Variants in WWOX observed in about 807,000 individuals in gnomAD.
WWOX encodes the protein WW domain-containing oxidoreductase.
Under a neutral mutation model 46.2 loss-of-function variants are expected in WWOX, and 69 were observed. The ratio of observed to expected loss-of-function variants is 1.49; its 90% CI spans 1.23 to 1.82. The LOEUF is 1.82. WWOX is among the 40% of genes most tolerant of loss of function. WWOX has a pLI of 0.00. For missense variants in WWOX, 919 were observed against 542.6 expected (o/e 1.69, Z -6.89); for synonymous variants, 359 against 202.6 (o/e 1.77, Z -6.56).
Position 78,637,695 on chromosome 16 carries a change from C to T in WWOX, c.1056+204943C>T, listed in dbSNP as rs896521482. Among the ~76,000 whole-genome samples the T allele has an allele frequency of 6.6e-5, 10 of 152,272 alleles. No individual in the cohort carries two copies. In the South Asian group the frequency reaches 1.2e-3, roughly 19 times the overall value. ...TTGATGAAGGGCTCAGAGCTAAGCG[C>T]GGAGTAGGTGCTTAAGCCCTTCCAT... is the stretch of plus-strand genomic sequence containing the variant. On this transcript the variant is annotated intron_variant, in intron 8 of 8. Coordinates refer to ENST00000566780, the MANE Select transcript of WWOX (RefSeq NM_016373.4).
intron 6 of WWOX, among the ~76,000 whole-genome samples, chr16:78,407,807 A>C (rs2082584279): frequency 6.6e-6 from 1 of 152,248 alleles, no homozygotes; most frequent in Non-Finnish European, 1.5e-5. Flanking sequence ...CCAGATACCT[A>C]AAAAAGTTTT....
chr16:78,623,932 A>G (rs893753310), intron 8 of WWOX, among the ~76,000 whole-genome samples: 20 of 152,312 alleles, frequency 1.3e-4, no homozygotes, highest in African/African-American at 4.6e-4. Flanking sequence ...AGAATGTGGC[A>G]AAGTCTTTGC....
intron 4 of WWOX, among the ~76,000 whole-genome samples, chr16:78,139,218 C>T (rs767188317): frequency 6.6e-6 from 1 of 152,048 alleles, no homozygotes; most frequent in Non-Finnish European, 1.5e-5. Flanking sequence ...AGAGATAATC[C>T]TAGCTTTCTT....
chr16:78,500,211 A>C (rs570793398), intron 8 of WWOX, among the ~76,000 whole-genome samples: 1 of 152,154 alleles, frequency 6.6e-6, no homozygotes, highest in African/African-American at 2.4e-5. Context: ...TGTGTGTGTG[A>C]CTTTGTGCAG....
chr16:78,326,757 G>A (rs919445457), intron 5 of WWOX, among the ~76,000 whole-genome samples: 4 of 151,906 alleles, frequency 2.6e-5, no homozygotes. Context: ...GTTTCATTTA[G>A]ACATTTAAGT....
chr16:78,783,408 G>T (rs73575605), intron 8 of WWOX, among the ~76,000 whole-genome samples: 3 of 152,352 alleles, frequency 2.0e-5, no homozygotes, highest in African/African-American at 7.2e-5. Flanking sequence ...ACACGACCAA[G>T]AGACAGAAGA....
chr16:78,208,374 C>A (rs1168590758), intron 5 of WWOX, among the ~76,000 whole-genome samples: 1 of 152,090 alleles, frequency 6.6e-6, no homozygotes, highest in Non-Finnish European at 1.5e-5. Flanking sequence ...CTTTAGGAGT[C>A]ATAAAAACAT....
intron 8 of WWOX, among the ~76,000 whole-genome samples, chr16:79,164,579 C>T (rs551490408): frequency 1.5e-4 from 23 of 152,270 alleles, no homozygotes; most frequent in African/African-American, 5.3e-4. Flanking sequence ...GAATGCAGAG[C>T]TCATGGTGGA....
chr16:78,247,053 T>C (rs76400536), intron 5 of WWOX, among the ~76,000 whole-genome samples: 3 of 152,268 alleles, frequency 2.0e-5, no homozygotes, highest in Non-Finnish European at 2.9e-5. Context: ...ATGTATTTTG[T>C]ATATCTTAAT....
chr16:78,634,311 C>T (rs12716856), intron 8 of WWOX, among the ~76,000 whole-genome samples: 26,581 of 152,028 alleles, frequency 0.17, 2,535 homozygotes, highest in African/African-American at 0.24. Flanking sequence ...GGAAATGATA[C>T]GCTTCAGCTC....
intron 8 of WWOX, among the ~76,000 whole-genome samples, chr16:78,504,738 G>C (rs977329183): frequency 6.6e-6 from 1 of 152,070 alleles, no homozygotes. Context: ...TGGTCATGGG[G>C]CTTGGAACCA....
chr16:79,023,579 G>C (rs770964426), intron 8 of WWOX, among the ~76,000 whole-genome samples: 1 of 152,134 alleles, frequency 6.6e-6, no homozygotes, highest in Non-Finnish European at 1.5e-5. Flanking sequence ...AAACATGTGT[G>C]TGTTAAAAAG....
At chr16:78,544,444 G>C (rs2043973522) in intron 8 of WWOX, among the ~76,000 whole-genome samples, 2 of 152,186 alleles carry the variant, frequency 1.3e-5, no homozygotes, top group Admixed American at 1.3e-4. Flanking sequence ...CTCATTTGCA[G>C]ATGAGGAAAC....
chr16:78,702,031 AT>A (rs2048230279), intron 8 of WWOX, among the ~76,000 whole-genome samples: 2 of 122,756 alleles, frequency 1.6e-5, no homozygotes, highest in African/African-American at 8.2e-5. Context: ...ATATATATAT[AT>A]ATATATATAT....
chr16:78,124,764 T>G (rs1007918506), intron 4 of WWOX, among the ~76,000 whole-genome samples: 1 of 152,176 alleles, frequency 6.6e-6, no homozygotes, highest in African/African-American at 2.4e-5. Flanking sequence ...AGGCTGTGCT[T>G]GATGGTTTTA....
intron 8 of WWOX, among the ~76,000 whole-genome samples, chr16:78,631,452 T>C (rs769387466): frequency 5.9e-5 from 9 of 152,208 alleles, no homozygotes; most frequent in East Asian, 1.9e-4. Context: ...GTATGACTTA[T>C]TTCATATAAA....
chr16:78,543,570 A>T (rs1218393638), intron 8 of WWOX, among the ~76,000 whole-genome samples: 1 of 152,210 alleles, frequency 6.6e-6, no homozygotes, highest in African/African-American at 2.4e-5. Flanking sequence ...ATTCTGTTTG[A>T]AGCACTGTAT....
intron 8 of WWOX, among the ~76,000 whole-genome samples, chr16:78,697,800 C>T (rs894093723): frequency 4.6e-5 from 7 of 152,096 alleles, no homozygotes; most frequent in Non-Finnish European, 8.8e-5. Flanking sequence ...AGGGTTTAAT[C>T]CCATCCTAAG....
At chr16:79,035,525 G>C (rs1162608071) in intron 8 of WWOX, among the ~76,000 whole-genome samples, 2 of 152,090 alleles carry the variant, frequency 1.3e-5, no homozygotes, top group African/African-American at 2.4e-5. Flanking sequence ...GGGGGAAAGA[G>C]TCAGCTTATT....
Sources: allele counts gnomAD v4.1 joint callset (sites outside exome capture counted in the v4.1 genomes callset), GRCh38; gene constraint gnomAD v4.1.1; transcripts MANE v1.5; gene names NCBI Gene and HGNC (gene_info 2026-07-23, HGNC 2026-07-21).